The following TAF3 variants were observed in gnomAD, a reference collection of about 807,000 sequenced individuals.
TAF3 encodes TATA-box binding protein associated factor 3.
TAF3 carries 7 observed loss-of-function variants against 80.6 expected under a neutral mutation model. The observed-to-expected ratio is 0.09, with a 90% confidence interval of 0.05 to 0.16. The LOEUF is 0.16. Ranked by LOEUF, TAF3 falls within the 10% of genes least tolerant of loss-of-function variation. The pLI, the probability that TAF3 is intolerant of heterozygous loss-of-function variation, is 1.00. For missense variants in TAF3, 921 were observed against 1,140.2 expected (o/e 0.81, Z 2.77); for synonymous variants, 444 against 446.1 (o/e 1.00, Z 0.06).
intron 2 of TAF3, among the ~76,000 whole-genome samples, chr10:7,942,830 A>C (rs1181227816): frequency 6.6e-6 from 1 of 152,196 alleles, no homozygotes; most frequent in Admixed American, 6.6e-5. Context: ...TGGGCTCTTA[A>C]CTCTTAGAAG....
intron 2 of TAF3, among the ~76,000 whole-genome samples, chr10:7,903,958 G>T (rs1837583190): frequency 1.3e-5 from 2 of 152,144 alleles, no homozygotes; most frequent in Admixed American, 1.3e-4. Context: ...GGTATTGTAG[G>T]TATCTGGAAA....
Position 8,009,273 on chromosome 10 carries a change from G to T in TAF3, c.2511G>T (p.Gly837=), listed in dbSNP as rs1261828191. 1 of 1,576,362 alleles carries T rather than the reference G, an allele frequency of 6.3e-7. No individual in the cohort carries two copies. The highest frequency in any genetic ancestry group is 2.4e-5 in the East Asian group (1 of 41,074). ...LLPSPGPAAS[G]ASAKAPVRSV... Reference sequence around the variant, plus strand: ...CCTCCCCGGGTCCCGCCGCCTCCGGGGCCAGTGCCAAAGCCCCCGTGCGCA... The same window carrying T: ...CCTCCCCGGGTCCCGCCGCCTCCGGTGCCAGTGCCAAAGCCCCCGTGCGCA... The change falls in exon 5 of 7, where the codon GGG becomes GGT. Residue 837 remains glycine, a synonymous_variant. Coordinates refer to ENST00000344293, the MANE Select transcript of TAF3 (RefSeq NM_031923.4). This position sits in a 1 kb window ranked among gnomAD's most constrained non-coding sequence, Gnocchi z 4.1.
At chr10:7,929,760 C>G (rs1037928257) in intron 2 of TAF3, among the ~76,000 whole-genome samples, 1 of 152,054 alleles carries the variant, frequency 6.6e-6, no homozygotes, top group Admixed American at 6.6e-5. Flanking sequence ...ATATGGAGTA[C>G]TCTTTCTGCT....
intron 2 of TAF3, among the ~76,000 whole-genome samples, chr10:7,853,855 A>T (rs893377109): frequency 2.0e-5 from 3 of 152,240 alleles, no homozygotes; most frequent in Non-Finnish European, 4.4e-5. Context: ...GCCAAACTGC[A>T]TTCATCCATC....
chr10:7,859,845 A>T (rs764729964), intron 2 of TAF3, among the ~76,000 whole-genome samples: 1 of 152,230 alleles, frequency 6.6e-6, no homozygotes, highest in Non-Finnish European at 1.5e-5. Context: ...TAAATGTTGG[A>T]CAAATGGCCG....
chr10:7,866,554 AT>A, intron 2 of TAF3, among the ~76,000 whole-genome samples: 4 of 152,370 alleles, frequency 2.6e-5, no homozygotes, highest in Admixed American at 2.6e-4. Context: ...AGAAACAGCA[AT>A]AAGGCCAACA....
At chr10:7,897,155 T>G (rs1837512474) in intron 2 of TAF3, among the ~76,000 whole-genome samples, 1 of 152,200 alleles carries the variant, frequency 6.6e-6, no homozygotes, top group Non-Finnish European at 1.5e-5. Flanking sequence ...TCAGGCCCGC[T>G]TGGCAAGTCT....
intron 2 of TAF3, among the ~76,000 whole-genome samples, chr10:7,849,547 A>C (rs934307946): frequency 6.6e-6 from 1 of 152,236 alleles, no homozygotes; most frequent in Non-Finnish European, 1.5e-5. Context: ...TTAAATGTGC[A>C]TAATAGTTGT....
chr10:7,959,340 T>G (rs964183839), intron 2 of TAF3, among the ~76,000 whole-genome samples: 3 of 152,244 alleles, frequency 2.0e-5, no homozygotes, highest in Admixed American at 6.5e-5. Context: ...AACGTTTGTA[T>G]TTTTAAGTAT....
intron 4 of TAF3, among the ~76,000 whole-genome samples, chr10:7,986,425 T>C (rs4749442): frequency 0.3 from 45,634 of 152,046 alleles, 8,396 homozygotes; most frequent in Non-Finnish European, 0.4. Context: ...GACCAGTGCC[T>C]CCATTTTCAA....
chr10:7,861,757 A>C (rs1351691612), intron 2 of TAF3, among the ~76,000 whole-genome samples: 1 of 152,022 alleles, frequency 6.6e-6, no homozygotes, highest in Non-Finnish European at 1.5e-5. Context: ...TCACCAATTT[A>C]ACTAGGATGT....
chr10:7,846,133 T>TA (rs1836969322), intron 2 of TAF3, among the ~76,000 whole-genome samples: 6 of 152,160 alleles, frequency 3.9e-5, no homozygotes, highest in Admixed American at 3.9e-4. Context: ...TAATTTTTTG[T>TA]GTTTTGGTAG....
Position 8,009,321 on chromosome 10 carries a change from C to A in TAF3, c.2559C>A (p.Ser853Arg). The change falls in exon 5 of 7, where the codon AGC becomes AGA. Residue 853 changes from serine (S) to arginine (R), a missense_variant. Physicochemically the swap from Ser to Arg is moderately radical, Grantham distance 110. Coordinates refer to ENST00000344293, the MANE Select transcript of TAF3 (RefSeq NM_031923.4). This position sits in a 1 kb window ranked among gnomAD's most constrained non-coding sequence, Gnocchi z 4.1. ...PVRSVVTETV[S>R]TYVIRDEWGN... ...GCAGCGTGGTGACTGAGACGGTCAG[C>A]ACCTACGTGGTGCGTACCTGCCGCC... The A allele has an allele frequency of 6.3e-7, 1 of 1,592,638 alleles. No individual in the cohort carries two copies.
chr10:7,983,474 A>G (rs1339514531), intron 4 of TAF3, among the ~76,000 whole-genome samples: 1 of 152,212 alleles, frequency 6.6e-6, no homozygotes, highest in Non-Finnish European at 1.5e-5. Context: ...GTTTGGGAAC[A>G]TTTCAGAACG....
At chr10:7,907,852 G>A (rs1837620030) in intron 2 of TAF3, among the ~76,000 whole-genome samples, 1 of 152,218 alleles carries the variant, frequency 6.6e-6, no homozygotes, top group Non-Finnish European at 1.5e-5. Context: ...CAGCACAGAG[G>A]GTGGGTTGAA....
chr10:8,006,412 A>G (rs923328413), intron 4 of TAF3, among the ~76,000 whole-genome samples: 1 of 152,152 alleles, frequency 6.6e-6, no homozygotes, highest in Non-Finnish European at 1.5e-5. Flanking sequence ...AGGCAAGTAA[A>G]TATTTAACAC....
At chr10:7,939,039 C>A (rs1837951658) in intron 2 of TAF3, among the ~76,000 whole-genome samples, 1 of 152,162 alleles carries the variant, frequency 6.6e-6, no homozygotes, top group African/African-American at 2.4e-5. Context: ...TACCAGCCTG[C>A]AGAGAAGATT....
At chr10:7,854,706 A>G (rs1837061833) in intron 2 of TAF3, among the ~76,000 whole-genome samples, 1 of 152,090 alleles carries the variant, frequency 6.6e-6, no homozygotes, top group Non-Finnish European at 1.5e-5. Context: ...AAGCTAGGGA[A>G]GAAAATATGT....
chr10:7,961,354 C>T (rs1887583), intron 2 of TAF3, among the ~76,000 whole-genome samples: 58,693 of 152,000 alleles, frequency 0.39, 11,869 homozygotes, highest in Admixed American at 0.49. Flanking sequence ...CTAAGTACTT[C>T]CCCATGCATC....
Sources: gnomAD v4.1 joint callset for allele counts (sites outside exome capture counted in the v4.1 genomes callset) on GRCh38, gnomAD v4.1.1 for gene constraint, Gnocchi (gnomAD v3.1) non-coding constraint, MANE v1.5 for transcripts, NCBI Gene and HGNC (gene_info 2026-07-23, HGNC 2026-07-21) for gene names.